NIPBL: variants seen among roughly 807,000 people sequenced by gnomAD.
NIPBL encodes NIPBL cohesin loading factor, also known as nipped-B-like protein.
In NIPBL, 19 loss-of-function variants were observed where a neutral mutation model predicts 321.8. The ratio of observed to expected loss-of-function variants is 0.06; its 90% CI spans 0.04 to 0.09. NIPBL has a LOEUF of 0.09. Ranked by LOEUF, NIPBL falls within the 10% of genes least tolerant of loss-of-function variation. The probability of loss-of-function intolerance (pLI) is 1.00; values close to 1 mark genes in which losing one functional copy is unlikely to be tolerated. For missense variants in NIPBL, 2,210 were observed against 3,327.0 expected, an observed-to-expected ratio of 0.66 and a Z score of 8.26; for synonymous variants, 1,106 against 1,114.1, an observed-to-expected ratio of 0.99 and a Z score of 0.14.
At chr5:36,925,557 C>T (rs1054107495) in intron 1 of NIPBL, among the ~76,000 whole-genome samples, 6 of 152,096 alleles carry the variant, frequency 3.9e-5, no homozygotes, top group East Asian at 1.9e-4. Flanking sequence ...TGAGCCACCG[C>T]GCCCAGCCAG....
chr5:36,927,728 A>AC (rs1172734752), intron 1 of NIPBL, among the ~76,000 whole-genome samples: 1 of 152,230 alleles, frequency 6.6e-6, no homozygotes, highest in African/African-American at 2.4e-5. Context: ...TGGTTGTTAG[A>AC]CATCCAAATG....
chr5:37,051,401 G>T, intron 40 of NIPBL: 1 of 206,840 alleles, frequency 4.8e-6, no homozygotes. Flanking sequence ...ACAAATTACT[G>T]TTTGCCCTAT....
chr5:36,905,726 C>G (rs1293556454), intron 1 of NIPBL, among the ~76,000 whole-genome samples: 1 of 151,536 alleles, frequency 6.6e-6, no homozygotes, highest in Non-Finnish European at 1.5e-5. Context: ...AAAGAAAATT[C>G]TGAAAACTAT....
intron 24 of NIPBL, 85 bp downstream of exon 24, chr5:37,017,247 TGTGTG>T: frequency 7.6e-7 from 1 of 1,320,156 alleles, no homozygotes; most frequent in Non-Finnish European, 1.1e-6. Flanking sequence ...CATTTCATTT[TGTGTG>T]GATTCAAAAT....
chr5:37,007,190 A>T, intron 17 of NIPBL, 133 bp from the exon 18 acceptor site: 1 of 716,124 alleles, frequency 1.4e-6, no homozygotes, highest in Non-Finnish European at 2.3e-6. Flanking sequence ...ATTTTAATAA[A>T]TAAAAAGCTT....
At chr5:37,035,213 G>A (rs1438019933) in intron 32 of NIPBL, among the ~76,000 whole-genome samples, 1 of 152,246 alleles carries the variant, frequency 6.6e-6, no homozygotes. Flanking sequence ...CAAGGCTGCA[G>A]TGAGCTTTGA....
At chr5:36,948,755 C>T (rs145419323) in intron 1 of NIPBL, among the ~76,000 whole-genome samples, 72 of 151,836 alleles carry the variant, frequency 4.7e-4, no homozygotes, top group African/African-American at 1.6e-3. Flanking sequence ...GCTTTCTGCT[C>T]AATAGTTCAG....
intron 1 of NIPBL, chr5:36,885,950 G>A (rs1745870861): frequency 1.4e-6 from 1 of 735,266 alleles, no homozygotes; most frequent in Admixed American, 1.7e-5. Context: ...CAAGATCATG[G>A]CAGACATACA....
intron 44 of NIPBL, among the ~76,000 whole-genome samples, chr5:37,059,691 T>G (rs1375855194): frequency 6.6e-6 from 1 of 152,212 alleles, no homozygotes; most frequent in Non-Finnish European, 1.5e-5. Flanking sequence ...GATAATGCAT[T>G]ACAAATTGAA....
chr5:36,911,207 A>G (rs1561376165), intron 1 of NIPBL, among the ~76,000 whole-genome samples: 1 of 152,164 alleles, frequency 6.6e-6, no homozygotes, highest in African/African-American at 2.4e-5. Flanking sequence ...TTCCTAAGTG[A>G]CAGTCATCAC....
chr5:36,908,493 A>G (rs1217468067), intron 1 of NIPBL, among the ~76,000 whole-genome samples: 3 of 152,142 alleles, frequency 2.0e-5, no homozygotes, highest in Non-Finnish European at 2.9e-5. Context: ...ACTTATTCCA[A>G]ATTTATTGAA....
At chr5:36,989,342 C>T (rs986690776) in intron 10 of NIPBL, among the ~76,000 whole-genome samples, 1 of 152,072 alleles carries the variant, frequency 6.6e-6, no homozygotes, top group East Asian at 1.9e-4. Flanking sequence ...GTTAACTTCC[C>T]TATCTTTCCA....
intron 9 of NIPBL, among the ~76,000 whole-genome samples, chr5:36,984,007 C>T (rs1374655428): frequency 6.6e-6 from 1 of 151,874 alleles, no homozygotes; most frequent in East Asian, 1.9e-4. Flanking sequence ...TCTGTTGCTT[C>T]CTTATTTTAA....
In NIPBL at chr5:36,996,434, G is replaced by A. The variant is rs1455035262; in HGVS notation, c.3304+630G>A. 2.2e-6 allele frequency: 1 copy of A among 456,662 alleles called. No homozygotes were observed. The highest frequency in any genetic ancestry group is 3.3e-4 in the Middle Eastern group (1 of 3,070). 28.3% of individuals were successfully genotyped at this position (456,662 alleles called of 1,614,324 possible). A position where few individuals can be genotyped will look rare whatever the true frequency, so the allele number is the denominator to read the frequency against. On this transcript the variant is annotated intron_variant, in intron 11 of 46. Transcript: ENST00000282516. This position sits in a 1 kb window ranked among gnomAD's most constrained non-coding sequence, Gnocchi z 5.0. ...CCTGGCTTCTCCTTTTTGCCCAGCT[G>A]TGTCCTGGAATTCCTCCCTTGTTTC...
chr5:36,975,925 G>A lies in NIPBL; in HGVS notation c.1018G>A (p.Glu340Lys), dbSNP rs765758628. 3.1e-6 allele frequency: 5 copies of A among 1,613,638 alleles called. No homozygotes were observed. Among genetic ancestry groups the A allele is most frequent in the Non-Finnish European group, 4.2e-6 (5 of 1,179,734 alleles). The change falls in exon 9 of 47, where the codon GAG (glutamate) becomes AAG (lysine). Residue 340 changes from glutamate to lysine, a missense_variant. By Grantham distance (56) the Glu-to-Lys change is moderately conservative (BLOSUM62 1). Coordinates refer to ENST00000282516, the MANE Select transcript of NIPBL (RefSeq NM_133433.4). ...AGGCAAGGATGAAAAAGAGCAGAGT[G>A]AGAAAGCGGCAATGTATGATATAAT... ...KLGKDEKEQSEKAAMYDIISS... is the reference protein window; with the variant it reads ...KLGKDEKEQSKKAAMYDIISS...
chr5:36,960,433 A>G (rs1741486846), intron 4 of NIPBL, among the ~76,000 whole-genome samples: 1 of 152,096 alleles, frequency 6.6e-6, no homozygotes, highest in South Asian at 2.1e-4. Flanking sequence ...GCTATGGAGC[A>G]AAACAATTCT....
chr5:36,965,770 G>A (rs1258833533), intron 6 of NIPBL, among the ~76,000 whole-genome samples: 3 of 152,038 alleles, frequency 2.0e-5, no homozygotes, highest in Admixed American at 2.0e-4. Flanking sequence ...TTTATCACAT[G>A]TATCCCAGAA....
chr5:36,977,592 TTTTC>T (rs944024653), intron 9 of NIPBL, among the ~76,000 whole-genome samples: 38 of 151,308 alleles, frequency 2.5e-4, no homozygotes, highest in African/African-American at 8.7e-4. Context: ...CTGGGTTTTT[TTTTC>T]TTTGTCTTTT....
At chr5:37,023,145 G>C (rs1416924986) in intron 29 of NIPBL, among the ~76,000 whole-genome samples, 1 of 152,128 alleles carries the variant, frequency 6.6e-6, no homozygotes, top group African/African-American at 2.4e-5. Flanking sequence ...CAGAAGTATA[G>C]AGTCATTTTT....
Sources: allele counts gnomAD v4.1 joint callset (sites outside exome capture counted in the v4.1 genomes callset), GRCh38; gene constraint gnomAD v4.1.1; non-coding constraint Gnocchi (gnomAD v3.1); transcripts MANE v1.5; gene names NCBI Gene and HGNC (gene_info 2026-07-23, HGNC 2026-07-21).